Variants in ENOX1 observed in about 807,000 individuals in gnomAD.
ENOX1 encodes ecto-NOX disulfide-thiol exchanger 1, also known as candidate growth-related and time keeping constitutive hydroquinone (NADH) oxidase.
In ENOX1, 42 loss-of-function variants were observed where a neutral mutation model predicts 82.5. That is an observed-to-expected ratio of 0.51 (90% CI 0.40 to 0.66). The LOEUF (loss-of-function observed/expected upper bound fraction) is 0.66, where lower values mean the gene tolerates loss of function less well. Ranked by LOEUF, ENOX1 falls within the 30% of genes least tolerant of loss-of-function variation. The pLI, the probability that ENOX1 is intolerant of heterozygous loss-of-function variation, is 0.00. For synonymous variants in ENOX1, 271 were observed against 282.2 expected (o/e 0.96, Z 0.40); for missense variants, 608 against 811.6 (o/e 0.75, Z 3.05).
chr13:43,273,013 C>T (rs982574355), intron 12 of ENOX1, among the ~76,000 whole-genome samples: 2 of 152,188 alleles, frequency 1.3e-5, no homozygotes, highest in African/African-American at 2.4e-5. Context: ...TATTCACGCC[C>T]ATGGCTTTAA....
At chr13:43,673,321 T>G (rs557887745) in intron 1 of ENOX1, among the ~76,000 whole-genome samples, 1 of 152,138 alleles carries the variant, frequency 6.6e-6, no homozygotes, top group South Asian at 2.1e-4. Flanking sequence ...TTCTACCATA[T>G]CCCTGACACA....
intron 2 of ENOX1, among the ~76,000 whole-genome samples, chr13:43,600,968 T>C (rs1050594099): frequency 1.3e-5 from 2 of 152,160 alleles, no homozygotes; most frequent in African/African-American, 4.8e-5. Flanking sequence ...CAGCTTGGGC[T>C]TGGGTTACCC....
intron 1 of ENOX1, among the ~76,000 whole-genome samples, chr13:43,692,336 A>C (rs933066404): frequency 6.6e-6 from 1 of 152,254 alleles, no homozygotes; most frequent in Non-Finnish European, 1.5e-5. Context: ...AATTAGAAGA[A>C]AATTTAATGG....
chr13:43,331,747 C>A (rs2048419935), intron 9 of ENOX1, among the ~76,000 whole-genome samples: 1 of 152,138 alleles, frequency 6.6e-6, no homozygotes, highest in Non-Finnish European at 1.5e-5. Context: ...GTAAGCGATT[C>A]CAGCTCTCAG....
intron 2 of ENOX1, among the ~76,000 whole-genome samples, chr13:43,498,332 T>A (rs2076863573): frequency 6.6e-6 from 1 of 152,112 alleles, no homozygotes; most frequent in South Asian, 2.1e-4. Flanking sequence ...TTGGTTAGCT[T>A]GATATCTATT....
intron 1 of ENOX1, among the ~76,000 whole-genome samples, chr13:43,680,609 C>T (rs982404952): frequency 6.6e-6 from 1 of 152,138 alleles, no homozygotes; most frequent in Non-Finnish European, 1.5e-5. Context: ...AGTTATTTAA[C>T]CTCTCTGATT....
At chr13:43,672,765 A>G (rs548547946) in intron 1 of ENOX1, among the ~76,000 whole-genome samples, 21 of 152,276 alleles carry the variant, frequency 1.4e-4, no homozygotes, top group African/African-American at 4.8e-4. Flanking sequence ...GAGATCTCCA[A>G]TATAAATTTC....
intron 1 of ENOX1, among the ~76,000 whole-genome samples, chr13:43,682,701 A>G (rs2085855831): frequency 6.6e-6 from 1 of 152,180 alleles, no homozygotes; most frequent in South Asian, 2.1e-4. Flanking sequence ...AAAAAAAACC[A>G]CATTGCTGCA....
intron 3 of ENOX1, among the ~76,000 whole-genome samples, chr13:43,416,699 C>T (rs181135287): frequency 0.016 from 2,387 of 149,836 alleles, 43 homozygotes; most frequent in East Asian, 0.086. Context: ...GGGTGGCGGC[C>T]AGGCAGAGGC....
intron 1 of ENOX1, among the ~76,000 whole-genome samples, chr13:43,698,615 T>A (rs865852720): frequency 2.6e-5 from 4 of 152,216 alleles, no homozygotes; most frequent in Admixed American, 6.5e-5. Context: ...AGTTTTTTTT[T>A]ACCTCATATT....
chr13:43,700,462 C>T (rs2086852862), intron 1 of ENOX1, among the ~76,000 whole-genome samples: 1 of 152,080 alleles, frequency 6.6e-6, no homozygotes, highest in Admixed American at 6.6e-5. Flanking sequence ...GATTAAGTGA[C>T]AATGTTTGCA....
At chr13:43,324,632 G>A (rs1311720548) in intron 10 of ENOX1, among the ~76,000 whole-genome samples, 1 of 152,186 alleles carries the variant, frequency 6.6e-6, no homozygotes, top group Non-Finnish European at 1.5e-5. Context: ...ATCAAAAGAG[G>A]TGGGGAAAGT....
chr13:43,644,406 C>A (rs1201423243), intron 2 of ENOX1, among the ~76,000 whole-genome samples: 1 of 152,154 alleles, frequency 6.6e-6, no homozygotes, highest in Non-Finnish European at 1.5e-5. Flanking sequence ...CCATTAGCAT[C>A]TAACAATTTA....
chr13:43,632,067 A>G (rs1187087274), intron 2 of ENOX1, among the ~76,000 whole-genome samples: 5 of 152,200 alleles, frequency 3.3e-5, no homozygotes, highest in Admixed American at 6.5e-5. Flanking sequence ...TTAATGTTTT[A>G]TCCATTCATG....
chr13:43,580,170 C>CA (rs1221496642), intron 2 of ENOX1, among the ~76,000 whole-genome samples: 6 of 152,196 alleles, frequency 3.9e-5, no homozygotes, highest in African/African-American at 1.4e-4. Flanking sequence ...TTGACCTGTA[C>CA]AAAAAATTCC....
At chr13:43,575,225 A>G (rs2080366644) in intron 2 of ENOX1, among the ~76,000 whole-genome samples, 1 of 152,188 alleles carries the variant, frequency 6.6e-6, no homozygotes, top group African/African-American at 2.4e-5. Flanking sequence ...GACTTTCTCA[A>G]TTGATGGCAT....
chr13:43,390,323 G>T (rs945419418), intron 5 of ENOX1, among the ~76,000 whole-genome samples: 6 of 127,650 alleles, frequency 4.7e-5, no homozygotes, highest in African/African-American at 7.4e-5. Context: ...AAGTGGTATT[G>T]CACCAGATGG....
chr13:43,707,887 G>A (rs1457509736), intron 1 of ENOX1, among the ~76,000 whole-genome samples: 2 of 152,146 alleles, frequency 1.3e-5, no homozygotes, highest in Non-Finnish European at 2.9e-5. Flanking sequence ...AGATATGTAT[G>A]TGGACATATA....
chr13:43,725,489 T>C (rs1207476075), intron 1 of ENOX1, among the ~76,000 whole-genome samples: 1 of 152,134 alleles, frequency 6.6e-6, no homozygotes. Context: ...TCAGCCAAAG[T>C]CTGCTCCTCT....
Sources: gnomAD v4.1 joint callset for allele counts (sites outside exome capture counted in the v4.1 genomes callset) on GRCh38, gnomAD v4.1.1 for gene constraint, MANE v1.5 for transcripts, NCBI Gene and HGNC (gene_info 2026-07-23, HGNC 2026-07-21) for gene names.